HHLA1: variants seen among roughly 807,000 people sequenced by gnomAD.
HHLA1 encodes HERV-H LTR-associating protein 1.
HHLA1 carries 72 observed loss-of-function variants against 69.9 expected under a neutral mutation model. The observed-to-expected ratio is 1.03, with a 90% CI of 0.85 to 1.25. The LOEUF is 1.25. HHLA1 is among the 50% of genes most tolerant of loss of function. HHLA1 has a pLI of 0.00. For missense variants in HHLA1, 685 were observed against 642.2 expected (o/e 1.07, Z -0.72); for synonymous variants, 252 against 233.2 (o/e 1.08, Z -0.73).
chr8:132,071,998 G>A (rs1248673096), intron 14 of HHLA1, among the ~76,000 whole-genome samples: 1 of 152,140 alleles, frequency 6.6e-6, no homozygotes, highest in Non-Finnish European at 1.5e-5. Context: ...GTGTGTGTGT[G>A]TATGCACGTG....
In HHLA1 at chr8:132,079,939, G is replaced by T; in HGVS notation, c.704C>A (p.Thr235Asn). 1 of 1,552,334 alleles carries T rather than the reference G, an allele frequency of 6.4e-7. No homozygotes were observed. The highest frequency in any genetic ancestry group is 8.7e-7 in the Non-Finnish European group (1 of 1,147,130). ...CTGGCTTTTGGTTGTGGGCTTTGAA[G>T]TCCTGGCAGTTCCCCTGGTAGCTGC... is the stretch of plus-strand genomic sequence containing the variant. Reference protein sequence around the residue: ...LGAATRGTARTSKPTTKSQKT... With the variant: ...LGAATRGTARNSKPTTKSQKT... Residue 235 changes from threonine (T) to asparagine (N), a missense_variant, in exon 11 of 17, where the codon ACT becomes AAT. Transcript: ENST00000414222.
chr8:132,104,456 C>T (rs933088598), intron 2 of HHLA1, among the ~76,000 whole-genome samples: 3 of 152,048 alleles, frequency 2.0e-5, no homozygotes, highest in East Asian at 1.9e-4. Flanking sequence ...TTGAAGGGAA[C>T]GGTGAGGGTG....
chr8:132,064,081 T>C, intron 16 of HHLA1, 43 bp from the exon 17 acceptor site: 1 of 1,220,550 alleles, frequency 8.2e-7, no homozygotes, highest in South Asian at 1.3e-5. Context: ...GGTACTGAGA[T>C]ATAAACACTG....
rs138872960 is a variant in HHLA1, at chr8:132,074,787, G to A, written c.1315+1268C>T. Among the ~76,000 whole-genome samples the A allele has an allele frequency of 1.7e-3, 254 of 152,192 alleles. 1 individual carries two copies. The highest frequency in any genetic ancestry group is 5.8e-3 in the African/African-American group (240 of 41,526). ...ATAAATAGGTATGGATGGATAGGTGGGTTAATTGAAGGATGGATAGATAGA... is the reference window on the plus strand; with the variant it reads ...ATAAATAGGTATGGATGGATAGGTGAGTTAATTGAAGGATGGATAGATAGA... On this transcript the variant is annotated intron_variant, in intron 14 of 16. Transcript: ENST00000414222.
chr8:132,082,795 T>G (rs548372086), intron 10 of HHLA1, among the ~76,000 whole-genome samples: 7 of 152,240 alleles, frequency 4.6e-5, no homozygotes, highest in South Asian at 4.2e-4. Flanking sequence ...CACCACAGGG[T>G]GGACAGGCAA....
chr8:132,070,686 C>G (rs112301019), intron 15 of HHLA1, among the ~76,000 whole-genome samples: 42 of 151,926 alleles, frequency 2.8e-4, no homozygotes, highest in African/African-American at 9.2e-4. Flanking sequence ...CTCATCCCAA[C>G]TCAACTCAAC....
In HHLA1 at chr8:132,095,647, G is replaced by T. The variant is rs1395705254; in HGVS notation, c.365-45C>A. 1.3e-6 allele frequency: 2 copies of T among 1,522,772 alleles called. 1 individual carries two copies. The highest frequency in any genetic ancestry group is 2.4e-5 in the South Asian group (2 of 83,356). 94.3% of individuals were successfully genotyped at this position (1,522,772 alleles called of 1,614,324 possible). A position where few individuals can be genotyped will look rare whatever the true frequency, so the allele number is the denominator to read the frequency against. On this transcript the variant is annotated intron_variant, in intron 6 of 16. Transcript: ENST00000414222. ...AACAGAGATCCTAACACACAGACCA[G>T]CCCTGCAACACATCCCTACCACCAC... is the stretch of plus-strand genomic sequence containing the variant.
intron 16 of HHLA1, among the ~76,000 whole-genome samples, chr8:132,065,316 C>G (rs1823414824): frequency 6.6e-6 from 1 of 152,200 alleles, no homozygotes; most frequent in Admixed American, 6.5e-5. Context: ...ACAAACTGCT[C>G]TGTGGCCCAG....
intron 11 of HHLA1, among the ~76,000 whole-genome samples, chr8:132,078,657 G>T (rs144644589): frequency 1.3e-5 from 2 of 152,232 alleles, no homozygotes; most frequent in African/African-American, 4.8e-5. Context: ...GTGTACAATA[G>T]TTCTTTGTAG....
chr8:132,078,120 T>C, intron 11 of HHLA1, 149 bp from the exon 12 acceptor site: 1 of 807,558 alleles, frequency 1.2e-6, no homozygotes, highest in African/African-American at 1.7e-5. Flanking sequence ...AACTTTACTC[T>C]GAACTGAAAT....
chr8:132,087,525 G>A (rs1483401528), intron 10 of HHLA1, 128 bp downstream of exon 10: 14 of 612,918 alleles, frequency 2.3e-5, no homozygotes, highest in Non-Finnish European at 3.5e-5. Context: ...TTAAAATGAC[G>A]AAGTTCTCTG....
chr8:132,101,975 A>T (rs1417173582), intron 3 of HHLA1, among the ~76,000 whole-genome samples: 2 of 152,206 alleles, frequency 1.3e-5, no homozygotes, highest in African/African-American at 4.8e-5. Flanking sequence ...CCGAAATTTC[A>T]TACTCATTGA....
rs141434191 is a variant in HHLA1, at chr8:132,069,249, A to G, written c.1469+2091T>C. ...AACTCCTATTCCTCCATAAAGCCCTATTAGTTATTTCTCCTGGGATCCCAT... is the reference window on the plus strand; with the variant it reads ...AACTCCTATTCCTCCATAAAGCCCTGTTAGTTATTTCTCCTGGGATCCCAT... On this transcript the variant is annotated intron_variant, in intron 15 of 16. Coordinates refer to ENST00000414222, the MANE Select transcript of HHLA1 (RefSeq NM_001145095.3). Among the ~76,000 whole-genome samples, 1,108 of 152,214 alleles carry G rather than the reference A, an allele frequency of 7.3e-3. 16 individuals carry two copies. The highest frequency in any genetic ancestry group is 0.025 in the African/African-American group (1,054 of 41,532).
At chr8:132,080,063 A>C in intron 10 of HHLA1, 97 bp from the exon 11 acceptor site, 2 of 1,430,394 alleles carry the variant, frequency 1.4e-6, no homozygotes, top group Non-Finnish European at 1.9e-6. Flanking sequence ...GAATGTGGAG[A>C]TTCAAACCTT....
At chr8:132,070,292 C>T (rs1563740027) in intron 15 of HHLA1, 3 of 701,454 alleles carry the variant, frequency 4.3e-6, no homozygotes, top group Non-Finnish European at 7.8e-6. Context: ...CATGTCTAGA[C>T]CTTCTTAATA....
chr8:132,086,957 A>G (rs1823874813), intron 10 of HHLA1, among the ~76,000 whole-genome samples: 1 of 152,214 alleles, frequency 6.6e-6, no homozygotes, highest in African/African-American at 2.4e-5. Context: ...GAAGGAAACT[A>G]CTTATTCTAC....
intron 14 of HHLA1, among the ~76,000 whole-genome samples, chr8:132,072,462 G>A (rs1050578714): frequency 1.3e-5 from 2 of 151,946 alleles, no homozygotes; most frequent in Non-Finnish European, 2.9e-5. Flanking sequence ...AATTTGTTGA[G>A]CTCCACTACA....
intron 1 of HHLA1, among the ~76,000 whole-genome samples, chr8:132,109,638 A>C (rs2469641): frequency 1.3e-5 from 2 of 151,930 alleles, no homozygotes; most frequent in East Asian, 1.9e-4. Context: ...ACAGAAGATA[A>C]AGGCCCAGGG....
At chr8:132,077,515 G>T (rs1028889268) in intron 12 of HHLA1, among the ~76,000 whole-genome samples, 6 of 152,050 alleles carry the variant, frequency 3.9e-5, no homozygotes, top group African/African-American at 1.4e-4. Context: ...AGAGGAACTG[G>T]GGAATGAAAG....
Sources: gnomAD v4.1 joint callset for allele counts (sites outside exome capture counted in the v4.1 genomes callset) on GRCh38, gnomAD v4.1.1 for gene constraint, MANE v1.5 for transcripts, NCBI Gene and HGNC (gene_info 2026-07-23, HGNC 2026-07-21) for gene names.